AOPEP: variants seen among roughly 807,000 people sequenced by gnomAD.
AOPEP encodes aminopeptidase O.
In AOPEP, 77 loss-of-function variants were observed where a neutral mutation model predicts 98.1. The ratio of observed to expected loss-of-function variants is 0.78; its 90% CI spans 0.65 to 0.95. The LOEUF (loss-of-function observed/expected upper bound fraction) is 0.95, where lower values mean the gene tolerates loss of function less well. Among genes scored for constraint, AOPEP ranks in the 40% least tolerant of loss-of-function variants. The pLI, the probability that AOPEP is intolerant of heterozygous loss-of-function variation, is 0.00. For missense variants in AOPEP, 1,024 were observed against 1,024.7 expected, an observed-to-expected ratio of 1.00 and a Z score of 0.01; for synonymous variants, 346 against 365.3, an observed-to-expected ratio of 0.95 and a Z score of 0.60.
chr9:95,121,321 A>G, the AOPEP span, among the ~76,000 whole-genome samples: 11 of 152,208 alleles, frequency 7.2e-5, no homozygotes, highest in Admixed American at 3.3e-4. Context: ...TCCTCCAAAC[A>G]GAACAGGGAC....
At chr9:94,841,615 C>T (rs2042283029) in intron 5 of AOPEP, among the ~76,000 whole-genome samples, 1 of 152,048 alleles carries the variant, frequency 6.6e-6, no homozygotes, top group African/African-American at 2.4e-5. Context: ...CTCCTATTAC[C>T]TTTCTATTAT....
At chr9:94,915,898 CATGGGAAGATTTGATTTGTGGACCCA>C (rs577648024) in intron 5 of AOPEP, among the ~76,000 whole-genome samples, 1 of 152,332 alleles carries the variant, frequency 6.6e-6, no homozygotes, top group East Asian at 1.9e-4. Flanking sequence ...AGACAAGGAA[CATGGGAAGATTTGATTTGTGGACCCA>C]AAGAGTGTAT....
chr9:94,771,241 CAG>C (rs956420866), intron 2 of AOPEP, among the ~76,000 whole-genome samples: 24 of 152,274 alleles, frequency 1.6e-4, no homozygotes, highest in Middle Eastern at 3.4e-3. Context: ...ACCCATAACA[CAG>C]AGTTACCCTA....
At chr9:95,063,817 C>A (rs1312098863) in intron 14 of AOPEP, among the ~76,000 whole-genome samples, 1 of 152,050 alleles carries the variant, frequency 6.6e-6, no homozygotes, top group Non-Finnish European at 1.5e-5. Context: ...CTGGAGGTCT[C>A]CCTTCAGGGT....
chr9:95,123,780 G>A, the AOPEP span: 15 of 699,298 alleles, frequency 2.1e-5, no homozygotes, highest in Middle Eastern at 3.4e-4. Flanking sequence ...GTCAGGAATC[G>A]ATCTTGTGAA....
At chr9:95,143,141 A>G in the AOPEP span, among the ~76,000 whole-genome samples, 1 of 152,180 alleles carries the variant, frequency 6.6e-6, no homozygotes, top group Non-Finnish European at 1.5e-5. Flanking sequence ...TTTACTTGCC[A>G]TTACCAATTT....
At chr9:94,869,424 T>G (rs114823253) in intron 5 of AOPEP, among the ~76,000 whole-genome samples, 208 of 152,304 alleles carry the variant, frequency 1.4e-3, no homozygotes, top group African/African-American at 4.8e-3. Context: ...ATGTAGTGAT[T>G]AGCTTTTGAG....
At chr9:95,068,886 G>A (rs1377897066) in intron 14 of AOPEP, among the ~76,000 whole-genome samples, 1 of 152,130 alleles carries the variant, frequency 6.6e-6, no homozygotes, top group African/African-American at 2.4e-5. Flanking sequence ...AGAAATTGGC[G>A]GGGCTCAGGA....
intron 13 of AOPEP, among the ~76,000 whole-genome samples, chr9:95,029,008 C>T (rs771233517): frequency 2.0e-5 from 3 of 152,212 alleles, no homozygotes; most frequent in Non-Finnish European, 2.9e-5. Context: ...TGGTGAGGAA[C>T]GCACATGGGG....
At chr9:95,069,622 T>C (rs1182435880) in intron 14 of AOPEP, among the ~76,000 whole-genome samples, 2 of 152,258 alleles carry the variant, frequency 1.3e-5, no homozygotes, top group Non-Finnish European at 2.9e-5. Context: ...ATTCCAGGTT[T>C]TCAAAAGTAG....
intron 2 of AOPEP, among the ~76,000 whole-genome samples, chr9:94,767,920 T>C (rs894375092): frequency 6.6e-6 from 1 of 152,216 alleles, no homozygotes; most frequent in Non-Finnish European, 1.5e-5. Flanking sequence ...GGTGCATGTG[T>C]GTGTATAGGA....
At chr9:94,774,686 C>T (rs112517197) in intron 3 of AOPEP, among the ~76,000 whole-genome samples, 2 of 151,990 alleles carry the variant, frequency 1.3e-5, no homozygotes, top group Non-Finnish European at 2.9e-5. Context: ...AATAAAGTTG[C>T]ATTAAATTCC....
chr9:95,076,526 T>C (rs1246587612), intron 14 of AOPEP, among the ~76,000 whole-genome samples: 3 of 152,244 alleles, frequency 2.0e-5, no homozygotes. Context: ...ATGGGGAATC[T>C]CTTCCTGCAC....
At chr9:94,850,906 C>T (rs982438487) in intron 5 of AOPEP, among the ~76,000 whole-genome samples, 3 of 152,200 alleles carry the variant, frequency 2.0e-5, no homozygotes, top group Admixed American at 6.5e-5. Flanking sequence ...TAACTCTCTG[C>T]AGGCTTCTCA....
chr9:94,743,371 AAACT>A (rs1450623735), intron 1 of AOPEP, among the ~76,000 whole-genome samples: 3 of 152,220 alleles, frequency 2.0e-5, no homozygotes, highest in Admixed American at 2.0e-4. Context: ...GCCTGAGGTT[AAACT>A]AGACTTGGCA....
chr9:94,766,974 A>G (rs1297748181), intron 2 of AOPEP, among the ~76,000 whole-genome samples: 3 of 152,150 alleles, frequency 2.0e-5, no homozygotes, highest in Admixed American at 1.3e-4. Flanking sequence ...TCAAAACCAG[A>G]TGTTAAAACA....
At chr9:94,851,076 A>C (rs1221529181) in intron 5 of AOPEP, among the ~76,000 whole-genome samples, 3 of 152,192 alleles carry the variant, frequency 2.0e-5, no homozygotes, top group Non-Finnish European at 4.4e-5. Context: ...GGAGAAGCGG[A>C]GCTCTGACAG....
chr9:95,111,533 G>T, the AOPEP span: 3 of 1,614,162 alleles, frequency 1.9e-6, no homozygotes, highest in East Asian at 4.5e-5. Flanking sequence ...CAGCAGGGCC[G>T]TGGGGGGTTC....
intron 14 of AOPEP, among the ~76,000 whole-genome samples, chr9:95,068,306 G>A (rs952480363): frequency 7.9e-6 from 1 of 125,894 alleles, no homozygotes; most frequent in African/African-American, 2.8e-5. Context: ...CAGTGAGTAT[G>A]GGTTCGGCCT....
Sources: allele counts gnomAD v4.1 joint callset (sites outside exome capture counted in the v4.1 genomes callset), GRCh38; gene constraint gnomAD v4.1.1; transcripts MANE v1.5; gene names NCBI Gene and HGNC (gene_info 2026-07-23, HGNC 2026-07-21).